Variants in ASAP1 observed in about 807,000 individuals in gnomAD.
ASAP1 encodes ArfGAP with SH3 domain, ankyrin repeat and PH domain 1, also known as arf-GAP with SH3 domain, ANK repeat and PH domain-containing protein 1.
A neutral mutation model predicts 145.2 loss-of-function variants in ASAP1; 43 were observed. The ratio of observed to expected loss-of-function variants is 0.30; its 90% CI spans 0.23 to 0.38. The LOEUF is 0.38. Among genes scored for constraint, ASAP1 ranks in the 10% least tolerant of loss-of-function variants. The pLI is 1.00. For synonymous variants in ASAP1, 546 were observed against 515.5 expected (o/e 1.06, Z -0.80); for missense variants, 1,018 against 1,355.3 (o/e 0.75, Z 3.91).
chr8:130,367,329 G>A (rs774601208), intron 2 of ASAP1, among the ~76,000 whole-genome samples: 6 of 152,188 alleles, frequency 3.9e-5, no homozygotes, highest in Admixed American at 6.5e-5. Context: ...GAAAATAAAG[G>A]TGTATTTTAA....
At chr8:130,359,987 C>A (rs112868582) in intron 2 of ASAP1, among the ~76,000 whole-genome samples, 7 of 152,304 alleles carry the variant, frequency 4.6e-5, no homozygotes, top group African/African-American at 1.7e-4. Flanking sequence ...AGGGAGTGCC[C>A]CAAAGCAGGG....
At chr8:130,180,904 A>AT (rs765162768) in intron 7 of ASAP1, 24 bp from the exon 8 acceptor site, 80 of 1,503,698 alleles carry the variant, frequency 5.3e-5, no homozygotes, top group East Asian at 2.6e-4. Flanking sequence ...CAATGTCATT[A>AT]TTTAAAAAAA....
chr8:130,192,563 A>G (rs1418001171), intron 5 of ASAP1, among the ~76,000 whole-genome samples: 4 of 152,180 alleles, frequency 2.6e-5, no homozygotes, highest in Non-Finnish European at 1.5e-5. Flanking sequence ...TATGGGCCTT[A>G]GAAGTTTGGA....
At position 130,112,203 on chromosome 8, in the gene ASAP1, C is replaced by T. The variant is rs1351616097; in HGVS notation, c.2292G>A (p.Arg764=). Residue 764 remains arginine (R), a synonymous_variant, in exon 24 of 30, where the codon CGG becomes CGA. Transcript: ENST00000518721. ...GGTTGGTGAAGGCTCCATAGGAGAG[C>T]CGCTGTTTGTCCCTTGGAGTGCTGA... ...PGFSTPRDKQ[R]LSYGAFTNQI... The T allele has an allele frequency of 1.2e-6, 2 of 1,614,024 alleles. No individual in the cohort carries two copies. The highest frequency in any genetic ancestry group is 2.2e-5 in the East Asian group (1 of 44,894).
chr8:130,161,080 G>A (rs1342516970), intron 11 of ASAP1, among the ~76,000 whole-genome samples: 1 of 152,166 alleles, frequency 6.6e-6, no homozygotes, highest in Non-Finnish European at 1.5e-5. Flanking sequence ...CACATTTTAG[G>A]AAGATAAAAT....
At chr8:130,086,718 A>G (rs571332976) in intron 25 of ASAP1, among the ~76,000 whole-genome samples, 1 of 152,306 alleles carries the variant, frequency 6.6e-6, no homozygotes, top group South Asian at 2.1e-4. Flanking sequence ...GTGGGAAGAT[A>G]GCTTGAGCCT....
intron 3 of ASAP1, among the ~76,000 whole-genome samples, chr8:130,255,667 TTGTG>T (rs999538927): frequency 6.6e-5 from 10 of 152,194 alleles, no homozygotes; most frequent in African/African-American, 2.2e-4. Flanking sequence ...TAATTTTAAG[TTGTG>T]TGTGTTTAAA....
intron 8 of ASAP1, among the ~76,000 whole-genome samples, chr8:130,179,900 T>C (rs748663024): frequency 1.3e-5 from 2 of 152,056 alleles, no homozygotes; most frequent in Non-Finnish European, 2.9e-5. Flanking sequence ...GCTCACTTGT[T>C]TTATTCTGTA....
At chr8:130,268,009 C>A (rs1240258595) in intron 3 of ASAP1, among the ~76,000 whole-genome samples, 1 of 152,206 alleles carries the variant, frequency 6.6e-6, no homozygotes, top group Non-Finnish European at 1.5e-5. Context: ...AAGCATCTCA[C>A]TTCCATACAC....
rs921543771 is a variant in ASAP1 at position 130,169,048 on chromosome 8, T to C, written c.766A>G (p.Lys256Glu). 8 of 1,573,802 alleles carry C rather than the reference T, an allele frequency of 5.1e-6. No individual in the cohort carries two copies. Among genetic ancestry groups the C allele is most frequent in the Non-Finnish European group, 6.9e-6 (8 of 1,164,154 alleles). ...AQCNFFQDGL[K>E]TADKLKQYIE... is the part of the protein sequence containing the mutation. ...TACTGTTTCAACTTATCAGCTGTTTTCAAGCCATCTTGAAAGAAACTACAA... is the reference window on the plus strand; with the variant it reads ...TACTGTTTCAACTTATCAGCTGTTTCCAAGCCATCTTGAAAGAAACTACAA... The change falls in exon 10 of 30, where the codon AAA (lysine) becomes GAA (glutamate). Residue 256 changes from lysine (K) to glutamate (E), a missense_variant. Transcript: ENST00000518721.
chr8:130,375,985 T>C (rs1827471676), intron 2 of ASAP1, among the ~76,000 whole-genome samples: 1 of 152,194 alleles, frequency 6.6e-6, no homozygotes, highest in Non-Finnish European at 1.5e-5. Context: ...CCTCTACCCC[T>C]GCCTCTTCAG....
chr8:130,418,854 T>C (rs1829598189), intron 1 of ASAP1, among the ~76,000 whole-genome samples: 1 of 152,036 alleles, frequency 6.6e-6, no homozygotes, highest in African/African-American at 2.4e-5. Context: ...CTAGTTGAAC[T>C]CTGACCTTGT....
At chr8:130,184,707 C>T (rs1814599100) in intron 7 of ASAP1, among the ~76,000 whole-genome samples, 1 of 152,142 alleles carries the variant, frequency 6.6e-6, no homozygotes, top group Non-Finnish European at 1.5e-5. Flanking sequence ...AGTAAAAGCA[C>T]TATCTGATGT....
chr8:130,206,737 C>G (rs1011578812), intron 5 of ASAP1, among the ~76,000 whole-genome samples: 1 of 151,878 alleles, frequency 6.6e-6, no homozygotes, highest in African/African-American at 2.4e-5. Flanking sequence ...TTTCTAAAAC[C>G]ATTGCTGCCT....
chr8:130,076,048 C>T (rs2097461613), intron 27 of ASAP1, among the ~76,000 whole-genome samples: 2 of 152,126 alleles, frequency 1.3e-5, no homozygotes, highest in Non-Finnish European at 2.9e-5. Context: ...GTGTTGGTTC[C>T]CAAGTCTCTC....
chr8:130,229,174 C>T (rs1002554265), intron 4 of ASAP1, among the ~76,000 whole-genome samples: 2 of 152,230 alleles, frequency 1.3e-5, no homozygotes, highest in African/African-American at 4.8e-5. Flanking sequence ...TGAGGCATCA[C>T]AGAATCAGTA....
At chr8:130,159,648 G>C (rs1251534780) in intron 12 of ASAP1, among the ~76,000 whole-genome samples, 1 of 151,724 alleles carries the variant, frequency 6.6e-6, no homozygotes, top group Non-Finnish European at 1.5e-5. Context: ...ATAATTGCAC[G>C]TTACAAGACA....
At chr8:130,275,468 C>T (rs563756370) in intron 3 of ASAP1, among the ~76,000 whole-genome samples, 4 of 151,898 alleles carry the variant, frequency 2.6e-5, no homozygotes, top group East Asian at 1.9e-4. Context: ...GGCGTCCCAG[C>T]GCCTGCACAC....
At chr8:130,091,836 A>C in intron 25 of ASAP1, 137 bp downstream of exon 25, 1 of 932,608 alleles carries the variant, frequency 1.1e-6, no homozygotes, top group Non-Finnish European at 1.5e-6. Context: ...GAATCATGTC[A>C]TATATACCCG....
Sources: gnomAD v4.1 joint callset for allele counts (sites outside exome capture counted in the v4.1 genomes callset) on GRCh38, gnomAD v4.1.1 for gene constraint, MANE v1.5 for transcripts, NCBI Gene and HGNC (gene_info 2026-07-23, HGNC 2026-07-21) for gene names.